KLRG1: variants seen among roughly 807,000 people sequenced by gnomAD.
KLRG1 encodes killer cell lectin like receptor G1, also known as killer cell lectin-like receptor subfamily G member 1.
KLRG1 carries 16 observed loss-of-function variants against 21.8 expected under a neutral mutation model. The observed-to-expected ratio is 0.73, with a 90% CI of 0.50 to 1.11. The LOEUF (loss-of-function observed/expected upper bound fraction) is 1.11, where lower values mean the gene tolerates loss of function less well. KLRG1 is among the 50% of genes most tolerant of loss of function. The pLI is 0.00. For synonymous variants in KLRG1, 69 were observed against 75.9 expected (o/e 0.91, Z 0.47); for missense variants, 173 against 218.3 (o/e 0.79, Z 1.31).
chr12:9,210,649 G>A, the KLRG1 span, among the ~76,000 whole-genome samples: 1 of 152,116 alleles, frequency 6.6e-6, no homozygotes, highest in Non-Finnish European at 1.5e-5. Context: ...ATTTAAGTGG[G>A]AAGTTTGGTC....
the KLRG1 span, among the ~76,000 whole-genome samples, chr12:9,053,650 T>C: frequency 2.0e-5 from 3 of 152,118 alleles, no homozygotes; most frequent in Non-Finnish European, 2.9e-5. Context: ...TGCAGCACAC[T>C]CAGCATTAAG....
At chr12:8,976,998 G>A (rs188844153) in intron 1 of KLRG1, among the ~76,000 whole-genome samples, 254 of 152,184 alleles carry the variant, frequency 1.7e-3, no homozygotes, top group African/African-American at 5.2e-3. Context: ...TGATCTACCC[G>A]CCTGGGCCTC....
chr12:9,117,886 A>G, the KLRG1 span, among the ~76,000 whole-genome samples: 15 of 152,204 alleles, frequency 9.9e-5, no homozygotes, highest in Non-Finnish European at 1.0e-4. Flanking sequence ...GATATCTTAA[A>G]GACTTTTTTT....
At chr12:8,990,550 A>G (rs1451283816) in intron 1 of KLRG1, among the ~76,000 whole-genome samples, 2 of 152,128 alleles carry the variant, frequency 1.3e-5, no homozygotes, top group Non-Finnish European at 2.9e-5. Flanking sequence ...ACCTATTTCT[A>G]TTACCATAAA....
At chr12:9,121,255 T>C in the KLRG1 span, among the ~76,000 whole-genome samples, 1 of 152,178 alleles carries the variant, frequency 6.6e-6, no homozygotes, top group African/African-American at 2.4e-5. The surrounding 1 kb of genome is among the most constrained non-coding windows in gnomAD (Gnocchi z 4.4). Context: ...GTTGTTTTCA[T>C]TCTAATATGC....
At chr12:9,203,120 C>T in the KLRG1 span, among the ~76,000 whole-genome samples, 1 of 152,090 alleles carries the variant, frequency 6.6e-6, no homozygotes, top group Non-Finnish European at 1.5e-5. Context: ...TTCATATGAT[C>T]TATTTCTAGG....
chr12:9,151,450 A>G, the KLRG1 span, among the ~76,000 whole-genome samples: 2 of 152,222 alleles, frequency 1.3e-5, no homozygotes, highest in Admixed American at 6.5e-5. Flanking sequence ...TGGAGTTCAA[A>G]GGTTTCCCCT....
chr12:9,159,005 C>T, the KLRG1 span, among the ~76,000 whole-genome samples: 5 of 152,126 alleles, frequency 3.3e-5, no homozygotes, highest in Non-Finnish European at 7.4e-5. Context: ...GTAAATATTT[C>T]CCTCCATCAT....
the KLRG1 span, among the ~76,000 whole-genome samples, chr12:9,017,302 A>G: frequency 6.6e-6 from 1 of 151,192 alleles, no homozygotes; most frequent in Non-Finnish European, 1.5e-5. Flanking sequence ...AAAAGAAAAA[A>G]AATCCCAAAC....
chr12:8,952,528 C>T (rs941445038), intron 1 of KLRG1, among the ~76,000 whole-genome samples: 4 of 152,158 alleles, frequency 2.6e-5, no homozygotes, highest in Admixed American at 1.3e-4. Context: ...TTCCATATTT[C>T]AAGGACTAAA....
the KLRG1 span, among the ~76,000 whole-genome samples, chr12:9,179,800 A>G: frequency 4.6e-5 from 7 of 152,372 alleles, no homozygotes; most frequent in African/African-American, 1.2e-4. Context: ...TTAACAAAAT[A>G]TAGCTTTCAT....
chr12:9,107,977 C>T, the KLRG1 span, among the ~76,000 whole-genome samples: 1 of 151,634 alleles, frequency 6.6e-6, no homozygotes, highest in Non-Finnish European at 1.5e-5. Flanking sequence ...CAAAACAAAA[C>T]AGAACAAAAA....
chr12:9,196,386 G>T, the KLRG1 span: 1 of 1,613,858 alleles, frequency 6.2e-7, no homozygotes, highest in South Asian at 1.1e-5. Context: ...ACGAATTTGA[G>T]TTTGGATACA....
chr12:9,207,151 A>C, the KLRG1 span, among the ~76,000 whole-genome samples: 2 of 152,238 alleles, frequency 1.3e-5, no homozygotes, highest in Non-Finnish European at 2.9e-5. Flanking sequence ...TATTTGTGTT[A>C]GATGGATAAG....
the KLRG1 span, among the ~76,000 whole-genome samples, chr12:9,179,809 A>G: frequency 2.0e-5 from 3 of 152,246 alleles, no homozygotes; most frequent in Non-Finnish European, 4.4e-5. Context: ...TATAGCTTTC[A>G]TTAAGATCAC....
the KLRG1 span, among the ~76,000 whole-genome samples, chr12:9,086,740 C>T: frequency 1.3e-5 from 2 of 152,258 alleles, no homozygotes; most frequent in African/African-American, 4.8e-5. Context: ...GACAAGGATA[C>T]CCACTGCCAC....
chr12:9,002,003 T>A (rs747217689), intron 3 of KLRG1, among the ~76,000 whole-genome samples: 1 of 152,324 alleles, frequency 6.6e-6, no homozygotes, highest in Non-Finnish European at 1.5e-5. Context: ...TATTTAGTTT[T>A]AAATATTATT....
chr12:9,112,648 C>T, the KLRG1 span: 4 of 1,186,274 alleles, frequency 3.4e-6, no homozygotes, highest in Non-Finnish European at 4.8e-6. Context: ...ACTTCACTCC[C>T]TTGTTCTCAG....
the KLRG1 span, among the ~76,000 whole-genome samples, chr12:9,042,201 A>C: frequency 6.6e-6 from 1 of 152,252 alleles, no homozygotes; most frequent in Admixed American, 6.5e-5. Flanking sequence ...TAAGGTAAAG[A>C]TGGAGATGAA....
Sources: allele counts gnomAD v4.1 joint callset (sites outside exome capture counted in the v4.1 genomes callset), GRCh38; gene constraint gnomAD v4.1.1; non-coding constraint Gnocchi (gnomAD v3.1); transcripts MANE v1.5; gene names NCBI Gene and HGNC (gene_info 2026-07-23, HGNC 2026-07-21).